The following FRMD4A variants were observed in gnomAD, a reference collection of about 807,000 sequenced individuals.
FRMD4A encodes FERM domain containing 4A.
In FRMD4A, 29 loss-of-function variants were observed where a neutral mutation model predicts 129.1. The ratio of observed to expected loss-of-function variants is 0.22; its 90% confidence interval spans 0.17 to 0.31. The LOEUF is 0.31. Ranked by LOEUF, FRMD4A falls within the 10% of genes least tolerant of loss-of-function variation. The probability of loss-of-function intolerance (pLI) is 1.00; values close to 1 mark genes in which losing one functional copy is unlikely to be tolerated. For synonymous variants in FRMD4A, 634 were observed against 571.6 expected, an observed-to-expected ratio of 1.11 and a Z score of -1.56; for missense variants, 1,272 against 1,375.8, an observed-to-expected ratio of 0.92 and a Z score of 1.19.
intron 2 of FRMD4A, among the ~76,000 whole-genome samples, chr10:13,914,547 C>T (rs952056083): frequency 6.6e-6 from 1 of 151,956 alleles, no homozygotes; most frequent in Non-Finnish European, 1.5e-5. Flanking sequence ...TTTTATTATC[C>T]CTTGGTTGCA....
chr10:14,302,919 C>T (rs1340981394), intron 2 of FRMD4A, among the ~76,000 whole-genome samples: 1 of 152,142 alleles, frequency 6.6e-6, no homozygotes, highest in Non-Finnish European at 1.5e-5. Context: ...CAACATTAGA[C>T]AGCAGGACTC....
At chr10:14,036,708 G>A (rs1208598482) in intron 2 of FRMD4A, among the ~76,000 whole-genome samples, 3 of 152,038 alleles carry the variant, frequency 2.0e-5, no homozygotes, top group East Asian at 3.9e-4. Context: ...TCAGCCTCCC[G>A]AGTAGCTGGA....
intron 15 of FRMD4A, among the ~76,000 whole-genome samples, chr10:13,677,778 G>A (rs2084128221): frequency 1.3e-5 from 2 of 152,110 alleles, no homozygotes; most frequent in Admixed American, 6.6e-5. Context: ...GAAGACTCAG[G>A]AACATTTACT....
intron 2 of FRMD4A, among the ~76,000 whole-genome samples, chr10:13,895,923 C>T (rs1474840759): frequency 1.3e-5 from 2 of 152,274 alleles, no homozygotes; most frequent in South Asian, 2.1e-4. Flanking sequence ...AAAAAAATCT[C>T]GTCATCACTG....
rs1588474890 is a variant in FRMD4A, at chr10:13,733,314, A to T, written c.759+4530T>A. Among the ~76,000 whole-genome samples the T allele has an allele frequency of 2.6e-5, 4 of 152,340 alleles. No individual in the cohort carries two copies. In the South Asian group the frequency reaches 8.3e-4, roughly 32 times the overall value. On this transcript the variant is annotated intron_variant, in intron 12 of 24. Coordinates refer to ENST00000357447, the MANE Select transcript of FRMD4A (RefSeq NM_018027.5). ...TTCTTGTAGCTAAGGCTTCTTAACA[A>T]TGGCTCCAGCTGAGTCCACGGCCTT...
chr10:14,134,743 G>A (rs1229467000), intron 2 of FRMD4A, among the ~76,000 whole-genome samples: 2 of 152,150 alleles, frequency 1.3e-5, no homozygotes, highest in African/African-American at 2.4e-5. Context: ...GGATGGGTGA[G>A]TGGATGGATA....
intron 2 of FRMD4A, among the ~76,000 whole-genome samples, chr10:14,056,034 A>C (rs2447030): frequency 0.012 from 1,804 of 151,946 alleles, 41 homozygotes; most frequent in African/African-American, 0.042. Context: ...TCCTGGGTTC[A>C]CGTCATTCTT....
rs559299428 is a variant in FRMD4A, at chr10:14,003,341, G to C, written c.46-144429C>G. Reference sequence around the variant, plus strand: ...AGCTGGGGGTGTTGGAGGAGAAGCAGGATTATTAGGAGAGATGACGAAGTT... The same window carrying C: ...AGCTGGGGGTGTTGGAGGAGAAGCACGATTATTAGGAGAGATGACGAAGTT... On this transcript the variant is annotated intron_variant, in intron 2 of 24. Transcript: ENST00000357447. Among the ~76,000 whole-genome samples, 40 of 152,274 alleles carry C rather than the reference G, an allele frequency of 2.6e-4. No homozygotes were observed. The South Asian group carries it at 7.9e-3, about 30-fold the overall frequency.
intron 2 of FRMD4A, among the ~76,000 whole-genome samples, chr10:13,964,412 A>T (rs1337569114): frequency 1.0e-5 from 1 of 96,012 alleles, no homozygotes; most frequent in Non-Finnish European, 2.0e-5. Flanking sequence ...TGTTGGTCTT[A>T]TTTATTTTAT....
At chr10:14,201,152 G>C (rs1182502153) in intron 2 of FRMD4A, among the ~76,000 whole-genome samples, 1 of 152,182 alleles carries the variant, frequency 6.6e-6, no homozygotes, top group African/African-American at 2.4e-5. Context: ...CCTGACCCCA[G>C]AGGTCTGAGT....
chr10:14,005,631 C>T (rs772502009), intron 2 of FRMD4A, among the ~76,000 whole-genome samples: 24 of 152,154 alleles, frequency 1.6e-4, no homozygotes, highest in African/African-American at 5.1e-4. Flanking sequence ...ACACAGGTAA[C>T]GAGTTGGTTA....
chr10:13,864,690 C>T (rs1281529332), intron 2 of FRMD4A, among the ~76,000 whole-genome samples: 1 of 151,786 alleles, frequency 6.6e-6, no homozygotes. Context: ...ATTCTCCTGC[C>T]TCAGCCTCCC....
intron 2 of FRMD4A, among the ~76,000 whole-genome samples, chr10:14,077,522 T>C (rs1835682770): frequency 6.6e-6 from 1 of 152,138 alleles, no homozygotes; most frequent in Non-Finnish European, 1.5e-5. Flanking sequence ...CTCTTTACGG[T>C]CATTATTATT....
rs182944571 is a variant in FRMD4A at position 14,287,119 on chromosome 10, A to G, written c.45+42939T>C. Among the ~76,000 whole-genome samples the G allele has an allele frequency of 8.9e-5, 12 of 134,756 alleles. 1 individual carries two copies. The East Asian group carries it at 2.5e-3, about 28-fold the overall frequency. 88.4% of individuals were successfully genotyped at this position (134,756 alleles called of 152,430 possible). A position where few individuals can be genotyped will look rare whatever the true frequency, so the allele number is the denominator to read the frequency against. On this transcript the variant is annotated intron_variant, in intron 2 of 24. Coordinates refer to ENST00000357447, the MANE Select transcript of FRMD4A (RefSeq NM_018027.5). ...TGTCCCAATATTTCTTCTTGCTGCC[A>G]TCTTGCTCTTTGACAGGCCCCCCGC...
intron 2 of FRMD4A, among the ~76,000 whole-genome samples, chr10:13,983,411 A>G (rs78682307): frequency 0.012 from 1,892 of 152,214 alleles, 55 homozygotes; most frequent in African/African-American, 0.043. Context: ...ACGTAATTAC[A>G]TCCTCCTAGG....
chr10:13,803,003 G>T (rs982766926), intron 4 of FRMD4A, among the ~76,000 whole-genome samples: 2 of 152,074 alleles, frequency 1.3e-5, no homozygotes, highest in Admixed American at 1.3e-4. Context: ...CAAAAAATTA[G>T]CTGGGTGTGG....
chr10:13,967,323 C>A (rs1490261441), intron 2 of FRMD4A, among the ~76,000 whole-genome samples: 2 of 150,868 alleles, frequency 1.3e-5, no homozygotes, highest in African/African-American at 2.4e-5. Context: ...GGCGACAGAG[C>A]GAGACTCCGT....
At chr10:14,099,352 A>T (rs1309289644) in intron 2 of FRMD4A, among the ~76,000 whole-genome samples, 4 of 151,838 alleles carry the variant, frequency 2.6e-5, no homozygotes, top group Non-Finnish European at 4.4e-5. Context: ...AGAAAAAAAA[A>T]TCAGAAAACT....
At chr10:14,075,794 A>G (rs1835559862) in intron 2 of FRMD4A, among the ~76,000 whole-genome samples, 1 of 152,238 alleles carries the variant, frequency 6.6e-6, no homozygotes. Context: ...ACACATATAT[A>G]TAAACCATTA....
Sources: gnomAD v4.1 joint callset for allele counts (sites outside exome capture counted in the v4.1 genomes callset) on GRCh38, gnomAD v4.1.1 for gene constraint, MANE v1.5 for transcripts, NCBI Gene and HGNC (gene_info 2026-07-23, HGNC 2026-07-21) for gene names.